SEMA6A: variants seen among roughly 807,000 people sequenced by gnomAD.
SEMA6A encodes semaphorin-6A.
Under a neutral mutation model 96.8 loss-of-function variants are expected in SEMA6A, and 25 were observed. The ratio of observed to expected loss-of-function variants is 0.26; its 90% CI spans 0.19 to 0.36. SEMA6A has a LOEUF of 0.36. SEMA6A is among the 10% of genes least tolerant of loss of function. The pLI is 1.00. For missense variants in SEMA6A, 1,363 were observed against 1,323.1 expected (o/e 1.03, Z -0.47); for synonymous variants, 612 against 518.0 (o/e 1.18, Z -2.46).
intron 17 of SEMA6A, among the ~76,000 whole-genome samples, chr5:116,470,335 A>G (rs954577153): frequency 6.6e-6 from 1 of 152,228 alleles, no homozygotes; most frequent in African/African-American, 2.4e-5. Flanking sequence ...TGTGGATGTG[A>G]TATCATATGT....
intron 1 of SEMA6A, among the ~76,000 whole-genome samples, chr5:116,557,429 C>T (rs902218941): frequency 1.3e-5 from 2 of 152,220 alleles, no homozygotes; most frequent in Admixed American, 6.5e-5. Flanking sequence ...CCAGGCTTGT[C>T]TCAAACTCCC....
At chr5:116,541,278 C>T (rs1759951617) in intron 1 of SEMA6A, among the ~76,000 whole-genome samples, 1 of 152,200 alleles carries the variant, frequency 6.6e-6, no homozygotes, top group Non-Finnish European at 1.5e-5. Flanking sequence ...ACATCTTTAT[C>T]TAAACCTACT....
At chr5:116,562,196 G>A (rs557552892) in intron 1 of SEMA6A, among the ~76,000 whole-genome samples, 12 of 152,164 alleles carry the variant, frequency 7.9e-5, no homozygotes, top group African/African-American at 2.4e-4. Context: ...CAAATATTAC[G>A]AATCAATTTA....
rs747932179 is a variant in SEMA6A, at chr5:116,504,943, ATAG to A, written c.-2_1del. 42 of 1,586,754 alleles carry A rather than the reference ATAG, an allele frequency of 2.6e-5. No individual in the cohort carries two copies. The African/African-American group carries it at 5.5e-4, about 21-fold the overall frequency. ...ATATAGCAGCAAGGCTTCTGACCTC[ATAG>A]TAGTTCAGCGGGGAGACTTTATTTC... is the stretch of plus-strand genomic sequence containing the variant. On this transcript the variant is annotated start_lost and start_retained_variant and 5_prime_UTR_variant, in exon 2 of 19. Coordinates refer to ENST00000343348, the MANE Select transcript of SEMA6A (RefSeq NM_020796.5).
chr5:116,460,713 G>A (rs955668214), intron 18 of SEMA6A, among the ~76,000 whole-genome samples: 1 of 151,544 alleles, frequency 6.6e-6, no homozygotes, highest in Non-Finnish European at 1.5e-5. Context: ...CCCAAACAGT[G>A]TGCTTTAAAT....
chr5:116,496,000 G>A (rs997300004), intron 5 of SEMA6A: 9 of 423,634 alleles, frequency 2.1e-5, no homozygotes, highest in Middle Eastern at 6.7e-4. Flanking sequence ...CTGGGCAGCC[G>A]GCTTTGTGTC....
At chr5:116,541,119 T>C (rs185182315) in intron 1 of SEMA6A, among the ~76,000 whole-genome samples, 2 of 152,304 alleles carry the variant, frequency 1.3e-5, no homozygotes, top group East Asian at 1.9e-4. Flanking sequence ...ATAACATTCA[T>C]GTAGATCAGC....
chr5:116,491,727 T>C lies in SEMA6A; in HGVS notation c.535+13A>G, dbSNP rs747845526. 2.5e-6 allele frequency: 4 copies of C among 1,608,824 alleles called. No individual in the cohort carries two copies. The African/African-American group carries it at 5.3e-5, about 22-fold the overall frequency. On this transcript the variant is annotated intron_variant, in intron 7 of 18. Transcript: ENST00000343348. ...CAAAAGCAAGTGCAACGAGGAGAAATCAGGTCGCTTACCTGCAAACAGTGC... is the reference window on the plus strand; with the variant it reads ...CAAAAGCAAGTGCAACGAGGAGAAACCAGGTCGCTTACCTGCAAACAGTGC...
chr5:116,494,522 T>A (rs1757485566), intron 6 of SEMA6A, among the ~76,000 whole-genome samples: 2 of 152,162 alleles, frequency 1.3e-5, no homozygotes, highest in African/African-American at 4.8e-5. Context: ...CACGGGGTCA[T>A]CCTCTGAAGC....
intron 1 of SEMA6A, among the ~76,000 whole-genome samples, chr5:116,527,547 G>C (rs1489673838): frequency 1.3e-5 from 2 of 152,224 alleles, no homozygotes; most frequent in African/African-American, 4.8e-5. Flanking sequence ...GGTTGAGGAA[G>C]AAATTCTTAT....
intron 1 of SEMA6A, among the ~76,000 whole-genome samples, chr5:116,514,196 A>C (rs188584859): frequency 6.6e-6 from 1 of 152,286 alleles, no homozygotes; most frequent in East Asian, 1.9e-4. Flanking sequence ...TCTGTCTTTG[A>C]GCAATCACTA....
At chr5:116,519,273 C>G (rs1380514818) in intron 1 of SEMA6A, among the ~76,000 whole-genome samples, 1 of 152,168 alleles carries the variant, frequency 6.6e-6, no homozygotes, top group Non-Finnish European at 1.5e-5. Context: ...GAGTCATTAT[C>G]AATAATTTTT....
intron 1 of SEMA6A, among the ~76,000 whole-genome samples, chr5:116,557,845 G>A (rs1443463569): frequency 6.6e-6 from 1 of 152,136 alleles, no homozygotes; most frequent in Admixed American, 6.5e-5. Flanking sequence ...AACAAAAGTG[G>A]TTGTGCTGAG....
At chr5:116,473,138 C>G (rs749507308) in intron 16 of SEMA6A, 45 bp from the exon 17 acceptor site, 1 of 1,565,534 alleles carries the variant, frequency 6.4e-7, no homozygotes, top group Non-Finnish European at 8.7e-7. Flanking sequence ...GTTTTACGCT[C>G]TGCTTGGGGC....
At chr5:116,564,782 GCAGTAGACCTA>G (rs1760962029) in intron 1 of SEMA6A, among the ~76,000 whole-genome samples, 1 of 152,114 alleles carries the variant, frequency 6.6e-6, no homozygotes, top group East Asian at 1.9e-4. Flanking sequence ...AGTTGACAAA[GCAGTAGACCTA>G]CAGTCCAAAA....
chr5:116,463,991 G>C (rs915448978), intron 18 of SEMA6A, among the ~76,000 whole-genome samples: 1 of 152,046 alleles, frequency 6.6e-6, no homozygotes, highest in Admixed American at 6.6e-5. Flanking sequence ...TGTTACTTTT[G>C]GTAAGGAATA....
chr5:116,488,738 G>T (rs1344871640), intron 8 of SEMA6A, 150 bp downstream of exon 8: 1 of 1,025,076 alleles, frequency 9.8e-7, no homozygotes, highest in Non-Finnish European at 1.3e-6. Context: ...AAATAAATCA[G>T]TTGAAGCCAA....
chr5:116,461,859 C>T (rs1235141794), intron 18 of SEMA6A, among the ~76,000 whole-genome samples: 4 of 152,142 alleles, frequency 2.6e-5, no homozygotes, highest in African/African-American at 9.7e-5. Flanking sequence ...ATCTCTAATA[C>T]AGCCTCTTAC....
At chr5:116,559,289 A>G (rs1162778692) in intron 1 of SEMA6A, among the ~76,000 whole-genome samples, 2 of 152,166 alleles carry the variant, frequency 1.3e-5, no homozygotes, top group African/African-American at 2.4e-5. Flanking sequence ...GGGGGGATGA[A>G]TAACTCCTCC....
Sources: gnomAD v4.1 joint callset for allele counts (sites outside exome capture counted in the v4.1 genomes callset) on GRCh38, gnomAD v4.1.1 for gene constraint, MANE v1.5 for transcripts, NCBI Gene and HGNC (gene_info 2026-07-23, HGNC 2026-07-21) for gene names.